Variants in SLC22A23 observed in about 807,000 individuals in gnomAD.
The protein encoded by SLC22A23 is ion transporter protein.
In SLC22A23, 26 loss-of-function variants were observed where a neutral mutation model predicts 61.0. The ratio of observed to expected loss-of-function variants is 0.43; its 90% confidence interval spans 0.31 to 0.59. The LOEUF (loss-of-function observed/expected upper bound fraction) is 0.59. Ranked by LOEUF, SLC22A23 falls within the 20% of genes least tolerant of loss-of-function variation. The pLI is 0.11. For synonymous variants in SLC22A23, 430 were observed against 413.9 expected (o/e 1.04, Z -0.47); for missense variants, 796 against 934.7 (o/e 0.85, Z 1.94).
In SLC22A23 at chr6:3,456,129, C is replaced by A; in HGVS notation, c.431G>T (p.Gly144Val). The A allele has an allele frequency of 1.0e-5, 16 of 1,551,142 alleles. No homozygotes were observed. Among genetic ancestry groups the A allele is most frequent in the Non-Finnish European group, 1.4e-5 (16 of 1,146,832 alleles). ...GTELAGVTTT[G>V]RGGDMGNWTS... The stretch of plus-strand genomic sequence containing the variant: ...CCAGTTGCCCATGTCCCCGCCCCGG[C>A]CTGTGGTGGTGACCCCTGCCAGCTC... Residue 144 changes from glycine to valine, a missense_variant, in exon 1 of 10, where the codon GGC becomes GTC. Coordinates refer to ENST00000406686, the MANE Select transcript of SLC22A23 (RefSeq NM_015482.2). This position sits in a 1 kb window ranked among gnomAD's most constrained non-coding sequence, Gnocchi z 7.1.
At chr6:3,289,944 G>A in intron 5 of SLC22A23, 78 bp from the exon 6 acceptor site, 1 of 1,103,134 alleles carries the variant, frequency 9.1e-7, no homozygotes, top group Non-Finnish European at 1.4e-6. Context: ...CACAGCCCTG[G>A]TTCCCCAGTT....
chr6:3,312,423 A>G (rs1232894611), intron 4 of SLC22A23: 1 of 152,216 alleles, frequency 6.6e-6, no homozygotes, highest in East Asian at 1.9e-4. Context: ...GTTGTAAAAC[A>G]GTGTGAGGAG....
At chr6:3,401,593 T>A (rs1356367749) in intron 3 of SLC22A23, among the ~76,000 whole-genome samples, 1 of 152,224 alleles carries the variant, frequency 6.6e-6, no homozygotes, top group Non-Finnish European at 1.5e-5. Flanking sequence ...GGGCAATCTT[T>A]GCTATGCCCA....
At chr6:3,323,407 G>A (rs987907776) in intron 4 of SLC22A23, 3 of 454,058 alleles carry the variant, frequency 6.6e-6, no homozygotes, top group Admixed American at 4.8e-5. Flanking sequence ...CAGGCTGAAG[G>A]TTGCCCACCC....
chr6:3,421,112 A>G (rs1360424120), intron 1 of SLC22A23, among the ~76,000 whole-genome samples: 3 of 152,204 alleles, frequency 2.0e-5, no homozygotes, highest in African/African-American at 7.2e-5. Flanking sequence ...AAAAAAAGAA[A>G]AAAGAAAAGG....
intron 3 of SLC22A23, among the ~76,000 whole-genome samples, chr6:3,364,742 T>C (rs1043972539): frequency 6.6e-6 from 1 of 151,706 alleles, no homozygotes; most frequent in Admixed American, 6.6e-5. Context: ...GCATGGAGAG[T>C]GGCAGGAGAT....
intron 3 of SLC22A23, among the ~76,000 whole-genome samples, chr6:3,403,829 G>A (rs920967832): frequency 7.2e-5 from 11 of 152,158 alleles, no homozygotes; most frequent in East Asian, 3.8e-4. Flanking sequence ...TTTTCTCCAC[G>A]AGTTATCCCA....
chr6:3,364,809 G>A (rs1463403119), intron 3 of SLC22A23, among the ~76,000 whole-genome samples: 1 of 152,188 alleles, frequency 6.6e-6, no homozygotes, highest in Non-Finnish European at 1.5e-5. Flanking sequence ...ATCTGGCCTG[G>A]GGACAGTCAG....
Position 3,304,826 on chromosome 6 carries a change from G to A in SLC22A23, c.1083-6608C>T, listed in dbSNP as rs990055791. 6.6e-6 allele frequency among the ~76,000 whole-genome samples: 1 copy of A among 152,186 alleles called. No individual in the cohort carries two copies. Among genetic ancestry groups the A allele is most frequent in the African/African-American group, 2.4e-5 (1 of 41,412 alleles). ...GGGGTTGTGGGACGGTGCATTTGTTGTGTTCAGAGAGCTGCAAGCTGATAA... is the reference window on the plus strand; with the variant it reads ...GGGGTTGTGGGACGGTGCATTTGTTATGTTCAGAGAGCTGCAAGCTGATAA... On this transcript the variant is annotated intron_variant, in intron 4 of 9. Transcript: ENST00000406686. The surrounding 1 kb of genome is among the most constrained non-coding windows in gnomAD (Gnocchi z 4.3).
At chr6:3,378,683 G>GT (rs1166897587) in intron 3 of SLC22A23, among the ~76,000 whole-genome samples, 1 of 127,460 alleles carries the variant, frequency 7.8e-6, no homozygotes, top group Non-Finnish European at 1.6e-5. Flanking sequence ...TTGAGATGGA[G>GT]TTTTGCTCTT....
rs1022486690 is a variant in SLC22A23 at position 3,269,303 on chromosome 6, G to A, written c.*3752C>T. ...TGAGAGGCCTCCCTCCACCCACCTC[G>A]GGGCGAGTGAAGACACAGCTTACAG... is the stretch of plus-strand genomic sequence containing the variant. On this transcript the variant is annotated 3_prime_UTR_variant, in exon 10 of 10. Coordinates refer to ENST00000406686, the MANE Select transcript of SLC22A23 (RefSeq NM_015482.2). The A allele has an allele frequency of 3.9e-5, 6 of 152,290 alleles. No individual in the cohort carries two copies. The highest frequency in any genetic ancestry group is 1.2e-4 in the African/African-American group (5 of 41,406). The allele number at this position is 152,290 out of a possible 1,614,324, so 9.4% of individuals were successfully genotyped here.
At chr6:3,335,398 G>A (rs973499484) in intron 3 of SLC22A23, among the ~76,000 whole-genome samples, 2 of 151,970 alleles carry the variant, frequency 1.3e-5, no homozygotes, top group South Asian at 2.1e-4. Context: ...TCCTGCCCAC[G>A]TGGACAGGGC....
chr6:3,306,657 G>A (rs1255818798), intron 4 of SLC22A23, among the ~76,000 whole-genome samples: 2 of 152,184 alleles, frequency 1.3e-5, no homozygotes, highest in African/African-American at 4.8e-5. Flanking sequence ...CTCTAAGCTG[G>A]CTGGCTCACT....
chr6:3,310,975 C>T (rs987309115), intron 4 of SLC22A23, among the ~76,000 whole-genome samples: 34 of 152,184 alleles, frequency 2.2e-4, no homozygotes, highest in Admixed American at 2.0e-3. Context: ...AGTTGCAGGG[C>T]GATACCTGTG....
At chr6:3,305,932 T>A (rs1761941709) in intron 4 of SLC22A23, among the ~76,000 whole-genome samples, 1 of 152,182 alleles carries the variant, frequency 6.6e-6, no homozygotes, top group Non-Finnish European at 1.5e-5. Flanking sequence ...AGTCCCATTA[T>A]CTTAGTCTGT....
At chr6:3,348,220 C>T (rs781652148) in intron 3 of SLC22A23, among the ~76,000 whole-genome samples, 10 of 152,086 alleles carry the variant, frequency 6.6e-5, no homozygotes, top group African/African-American at 1.4e-4. Flanking sequence ...TGCTTGGGGA[C>T]GGAAGGATGT....
intron 3 of SLC22A23, among the ~76,000 whole-genome samples, chr6:3,400,233 G>A (rs1338936437): frequency 6.6e-6 from 1 of 152,200 alleles, no homozygotes; most frequent in Non-Finnish European, 1.5e-5. Flanking sequence ...TATAAGAGAG[G>A]TAATTTATTA....
chr6:3,433,153 G>A (rs1053516395), intron 1 of SLC22A23, among the ~76,000 whole-genome samples: 46 of 152,190 alleles, frequency 3.0e-4, no homozygotes, highest in African/African-American at 1.0e-3. Flanking sequence ...ACAGAGAGGC[G>A]GGAGGGCCTG....
In SLC22A23 at chr6:3,427,315, T is replaced by C. The variant is rs1443329146; in HGVS notation, c.655-11460A>G. The stretch of plus-strand genomic sequence containing the variant: ...AGTTAAGCAGGTCCTCGGGGGCTTA[T>C]GTCTGTTGGTAAGTAACATTTTGGA... On this transcript the variant is annotated intron_variant, in intron 1 of 9. Transcript: ENST00000406686. The surrounding 1 kb of genome is among the most constrained non-coding windows in gnomAD (Gnocchi z 4.3). Among the ~76,000 whole-genome samples the C allele has an allele frequency of 6.6e-6, 1 of 152,204 alleles. No individual in the cohort carries two copies. The highest frequency in any genetic ancestry group is 1.5e-5 in the Non-Finnish European group (1 of 68,032).
Sources: gnomAD v4.1 joint callset for allele counts (sites outside exome capture counted in the v4.1 genomes callset) on GRCh38, gnomAD v4.1.1 for gene constraint, Gnocchi (gnomAD v3.1) non-coding constraint, MANE v1.5 for transcripts, NCBI Gene and HGNC (gene_info 2026-07-23, HGNC 2026-07-21) for gene names.